Variants in MRPL1 observed in about 807,000 individuals in gnomAD.
MRPL1 encodes the protein mitochondrial ribosomal protein L1, also known as large ribosomal subunit protein uL1m.
A neutral mutation model predicts 38.0 loss-of-function variants in MRPL1; 28 were observed. The ratio of observed to expected loss-of-function variants is 0.74; its 90% confidence interval spans 0.55 to 1.01. The LOEUF (loss-of-function observed/expected upper bound fraction) is 1.01, where lower values mean the gene tolerates loss of function less well. Ranked by LOEUF, MRPL1 falls within the 50% of genes least tolerant of loss-of-function variation. The pLI, the probability that MRPL1 is intolerant of heterozygous loss-of-function variation, is 0.00. For missense variants in MRPL1, 358 were observed against 389.8 expected (o/e 0.92, Z 0.69); for synonymous variants, 123 against 126.7 (o/e 0.97, Z 0.20).
At chr4:77,869,516 T>G (rs2110228077) in intron 1 of MRPL1, among the ~76,000 whole-genome samples, 1 of 152,342 alleles carries the variant, frequency 6.6e-6, no homozygotes, top group South Asian at 2.1e-4. Context: ...TGATTTCTGT[T>G]GAAAATTGTA....
chr4:77,922,526 G>A (rs1736603299), intron 7 of MRPL1, among the ~76,000 whole-genome samples: 1 of 152,220 alleles, frequency 6.6e-6, no homozygotes, highest in African/African-American at 2.4e-5. Context: ...AGGGAACCTG[G>A]ATGGAAGCAG....
intron 6 of MRPL1, among the ~76,000 whole-genome samples, chr4:77,904,302 C>G (rs1736105733): frequency 6.6e-6 from 1 of 151,770 alleles, no homozygotes; most frequent in South Asian, 2.1e-4. Flanking sequence ...ACCTGTAATC[C>G]CAGCACTATG....
intron 2 of MRPL1, among the ~76,000 whole-genome samples, chr4:77,881,187 A>G (rs573760317): frequency 1.3e-5 from 2 of 152,324 alleles, no homozygotes; most frequent in East Asian, 3.9e-4. Context: ...GAGGAACAGC[A>G]AAGTCATTTA....
At chr4:77,883,143 C>A in intron 2 of MRPL1, 99 bp from the exon 3 acceptor site, 1 of 743,788 alleles carries the variant, frequency 1.3e-6, no homozygotes, top group Non-Finnish European at 2.0e-6. Context: ...AAATATAATT[C>A]ATCCTTTGTT....
At chr4:77,924,691 G>A (rs937322232) in intron 7 of MRPL1, among the ~76,000 whole-genome samples, 1 of 152,132 alleles carries the variant, frequency 6.6e-6, no homozygotes, top group Non-Finnish European at 1.5e-5. Flanking sequence ...ATGATGGTAA[G>A]AACGTGGCCT....
chr4:77,891,211 G>T (rs1735796945), intron 5 of MRPL1, among the ~76,000 whole-genome samples: 1 of 151,862 alleles, frequency 6.6e-6, no homozygotes. Flanking sequence ...CAAATGTTTG[G>T]TAATTTGAGA....
chr4:77,919,337 C>T (rs1736509291), intron 7 of MRPL1, among the ~76,000 whole-genome samples: 2 of 152,082 alleles, frequency 1.3e-5, no homozygotes, highest in African/African-American at 2.4e-5. Flanking sequence ...AGGCCACTTA[C>T]ATTGTTGCTG....
intron 7 of MRPL1, among the ~76,000 whole-genome samples, chr4:77,914,438 A>T (rs1407940125): frequency 1.3e-5 from 2 of 152,214 alleles, no homozygotes; most frequent in Non-Finnish European, 2.9e-5. Flanking sequence ...TTACATCAGA[A>T]AATGGTAAAT....
intron 5 of MRPL1, among the ~76,000 whole-genome samples, chr4:77,890,748 C>A (rs527255809): frequency 1.2e-4 from 18 of 152,252 alleles, no homozygotes; most frequent in Admixed American, 9.2e-4. Context: ...TCGTCTCAGC[C>A]CCAAATCTCC....
At chr4:77,922,483 CTCAG>C (rs1483414288) in intron 7 of MRPL1, among the ~76,000 whole-genome samples, 1 of 152,148 alleles carries the variant, frequency 6.6e-6, no homozygotes, top group Non-Finnish European at 1.5e-5. Context: ...TTCTAAAAGG[CTCAG>C]TCTCACTGCT....
intron 7 of MRPL1, among the ~76,000 whole-genome samples, chr4:77,943,072 T>A (rs1737172679): frequency 1.3e-5 from 2 of 152,178 alleles, no homozygotes. Context: ...AGTGCTGGGT[T>A]GGTAGTGGCA....
intron 3 of MRPL1, among the ~76,000 whole-genome samples, 174 bp downstream of exon 3, chr4:77,883,674 C>G (rs1735604046): frequency 6.6e-6 from 1 of 152,044 alleles, no homozygotes; most frequent in African/African-American, 2.4e-5. Flanking sequence ...ACCTCCCGGG[C>G]TCAGGTGATC....
intron 1 of MRPL1, 44 bp from the exon 2 acceptor site, chr4:77,871,700 A>G: frequency 1.1e-6 from 1 of 872,186 alleles, no homozygotes. Flanking sequence ...TTATGAATAT[A>G]ATGATTATTT....
In MRPL1 at chr4:77,888,428, C is replaced by T. The variant is rs112935737; in HGVS notation, c.558+1137C>T. 5.8e-4 allele frequency among the ~76,000 whole-genome samples: 89 copies of T among 152,196 alleles called. 1 individual carries two copies. Among genetic ancestry groups the T allele is most frequent in the African/African-American group, 2.0e-3 (84 of 41,530 alleles). On this transcript the variant is annotated intron_variant, in intron 5 of 8. Coordinates refer to ENST00000315567, the MANE Select transcript of MRPL1 (RefSeq NM_020236.4). ...GCTGAGGCACAAGAATCTCTTGAACCCAGGAGGCGGAGTTTGCAGTGAGCC... is the reference window on the plus strand; with the variant it reads ...GCTGAGGCACAAGAATCTCTTGAACTCAGGAGGCGGAGTTTGCAGTGAGCC...
chr4:77,873,773 G>A (rs528359967), intron 2 of MRPL1, among the ~76,000 whole-genome samples: 7 of 152,150 alleles, frequency 4.6e-5, no homozygotes, highest in African/African-American at 1.7e-4. Flanking sequence ...TGTTTTAAAT[G>A]AATTAATTAA....
intron 6 of MRPL1, among the ~76,000 whole-genome samples, chr4:77,907,510 C>CT (rs1736183856): frequency 7.0e-6 from 1 of 142,136 alleles, no homozygotes; most frequent in Non-Finnish European, 1.5e-5. Context: ...GTCTCTCTCT[C>CT]TCCCCCTTCC....
At chr4:77,899,359 G>T (rs10005531) in intron 6 of MRPL1, among the ~76,000 whole-genome samples, 77,740 of 151,564 alleles carry the variant, frequency 0.51, 20,365 homozygotes, top group Admixed American at 0.56. Flanking sequence ...GAGCCCCCCC[G>T]CACCTTCATT....
chr4:77,898,948 T>C (rs1258684303), intron 6 of MRPL1, among the ~76,000 whole-genome samples: 1 of 151,558 alleles, frequency 6.6e-6, no homozygotes, highest in Non-Finnish European at 1.5e-5. Context: ...TTTTCTGCAG[T>C]AGAGAAACTA....
At chr4:77,922,574 A>T (rs965923611) in intron 7 of MRPL1, among the ~76,000 whole-genome samples, 1 of 152,214 alleles carries the variant, frequency 6.6e-6, no homozygotes, top group Non-Finnish European at 1.5e-5. Flanking sequence ...CCTTGGCTAG[A>T]GATGAGAGTA....
Sources: allele counts gnomAD v4.1 joint callset (sites outside exome capture counted in the v4.1 genomes callset), GRCh38; gene constraint gnomAD v4.1.1; transcripts MANE v1.5; gene names NCBI Gene and HGNC (gene_info 2026-07-23, HGNC 2026-07-21).